Variants in DIP2B observed in about 807,000 individuals in gnomAD.
DIP2B encodes the protein DIP2 acetate--CoA ligase B (putative), also known as disco-interacting protein 2 homolog B.
In DIP2B, 76 loss-of-function variants were observed where a neutral mutation model predicts 198.0. That is an observed-to-expected ratio of 0.38 (90% CI 0.32 to 0.46). The LOEUF is 0.46. Among genes scored for constraint, DIP2B ranks in the 20% least tolerant of loss-of-function variants. The pLI is 0.99. For synonymous variants in DIP2B, 701 were observed against 739.1 expected (o/e 0.95, Z 0.84); for missense variants, 1,559 against 1,978.4 (o/e 0.79, Z 4.02).
chr12:50,650,712 A>G (rs533360936), intron 3 of DIP2B, among the ~76,000 whole-genome samples: 3 of 152,300 alleles, frequency 2.0e-5, no homozygotes, highest in East Asian at 3.9e-4. Flanking sequence ...TTCCACAACA[A>G]TGGGGATTTG....
chr12:50,715,614 G>T (rs1939700400), intron 23 of DIP2B, among the ~76,000 whole-genome samples: 2 of 152,130 alleles, frequency 1.3e-5, no homozygotes, highest in African/African-American at 4.8e-5. Flanking sequence ...AAAATAATCG[G>T]CCACAGCCAT....
chr12:50,578,504 C>CTTTTTTTTT (rs62685162), intron 1 of DIP2B, among the ~76,000 whole-genome samples: 1 of 111,604 alleles, frequency 9.0e-6, no homozygotes, highest in Non-Finnish European at 1.8e-5. Flanking sequence ...GTTATTTGCT[C>CTTTTTTTTT]TTTTTTTTTT....
At chr12:50,723,802 T>G (rs1390250234) in intron 27 of DIP2B, among the ~76,000 whole-genome samples, 1 of 152,150 alleles carries the variant, frequency 6.6e-6, no homozygotes, top group Non-Finnish European at 1.5e-5. Flanking sequence ...TGTCTGATAT[T>G]TTTCCTGCAA....
At chr12:50,517,786 A>G (rs1294251853) in intron 1 of DIP2B, among the ~76,000 whole-genome samples, 1 of 152,162 alleles carries the variant, frequency 6.6e-6, no homozygotes, top group African/African-American at 2.4e-5. Flanking sequence ...GCTTTTGTAT[A>G]CATTGCCATT....
intron 1 of DIP2B, among the ~76,000 whole-genome samples, chr12:50,587,771 T>C (rs1449804368): frequency 6.6e-6 from 1 of 152,252 alleles, no homozygotes; most frequent in Non-Finnish European, 1.5e-5. Flanking sequence ...CCACTCATGC[T>C]TCTCTCTTCC....
At chr12:50,514,154 C>T (rs961625120) in intron 1 of DIP2B, among the ~76,000 whole-genome samples, 6 of 150,740 alleles carry the variant, frequency 4.0e-5, no homozygotes, top group Non-Finnish European at 7.4e-5. Flanking sequence ...TAACCTCCGC[C>T]TCCCGGGTTC....
intron 1 of DIP2B, among the ~76,000 whole-genome samples, chr12:50,601,144 G>C (rs975482867): frequency 6.6e-6 from 1 of 152,038 alleles, no homozygotes; most frequent in Admixed American, 6.6e-5. Context: ...CTCCACAAGG[G>C]GACCCTTGTC....
Position 50,594,001 on chromosome 12 carries a change from C to T in DIP2B, c.101-31975C>T, listed in dbSNP as rs140947911. 6.2e-5 allele frequency among the ~76,000 whole-genome samples: 9 copies of T among 145,874 alleles called. No individual in the cohort carries two copies. In the East Asian group the frequency reaches 1.6e-3, roughly 26 times the overall value. Reference sequence around the variant, plus strand: ...TGTCGCCCAGGCTGGAATGCAATGGCGCCATCTGGGTTCACTGCAACCTCC... The same window carrying T: ...TGTCGCCCAGGCTGGAATGCAATGGTGCCATCTGGGTTCACTGCAACCTCC... On this transcript the variant is annotated intron_variant, in intron 1 of 37. Transcript: ENST00000301180.
chr12:50,740,381 C>G (rs1381614276), intron 36 of DIP2B, among the ~76,000 whole-genome samples: 1 of 152,182 alleles, frequency 6.6e-6, no homozygotes, highest in East Asian at 1.9e-4. Context: ...GCTGGGTGAC[C>G]TTGAGCAATC....
intron 1 of DIP2B, among the ~76,000 whole-genome samples, chr12:50,580,827 A>G (rs1296968770): frequency 1.3e-5 from 2 of 148,400 alleles, no homozygotes; most frequent in Non-Finnish European, 3.0e-5. Context: ...ACTTTCACAC[A>G]CTTTATGTTC....
chr12:50,513,631 T>C (rs893725590), intron 1 of DIP2B, among the ~76,000 whole-genome samples: 2 of 152,164 alleles, frequency 1.3e-5, no homozygotes, highest in African/African-American at 2.4e-5. Context: ...CCCAATACTT[T>C]GGGAGGCTGA....
At chr12:50,584,855 C>T (rs1433273425) in intron 1 of DIP2B, among the ~76,000 whole-genome samples, 7 of 152,174 alleles carry the variant, frequency 4.6e-5, no homozygotes, top group Non-Finnish European at 7.3e-5. Flanking sequence ...TGAACCACCG[C>T]GCCTGGCCAA....
At chr12:50,710,317 C>T (rs909985992) in intron 22 of DIP2B, among the ~76,000 whole-genome samples, 5 of 152,136 alleles carry the variant, frequency 3.3e-5, no homozygotes, top group Admixed American at 6.6e-5. Flanking sequence ...TTCCCAAGAT[C>T]TGTAACTTCT....
intron 13 of DIP2B, 134 bp from the exon 14 acceptor site, chr12:50,692,815 T>C: frequency 4.2e-6 from 3 of 717,474 alleles, no homozygotes; most frequent in Non-Finnish European, 7.0e-6. Context: ...CCAGCCTGGG[T>C]GACAGAGGTG....
intron 1 of DIP2B, among the ~76,000 whole-genome samples, chr12:50,581,614 C>T (rs1229165189): frequency 6.9e-6 from 1 of 145,122 alleles, no homozygotes; most frequent in East Asian, 2.7e-4. Context: ...TCCTCCATAG[C>T]GTCTACTTGC....
intron 29 of DIP2B, 59 bp from the exon 30 acceptor site, chr12:50,728,489 G>C: frequency 6.4e-7 from 1 of 1,569,582 alleles, no homozygotes; most frequent in Non-Finnish European, 8.7e-7. Flanking sequence ...TGTCGTCAGA[G>C]CTGTTACTCT....
At chr12:50,578,349 T>G (rs1045260390) in intron 1 of DIP2B, among the ~76,000 whole-genome samples, 2 of 151,604 alleles carry the variant, frequency 1.3e-5, no homozygotes, top group African/African-American at 2.4e-5. Flanking sequence ...TACATCTTTT[T>G]TTTGTTTGTT....
intron 12 of DIP2B, among the ~76,000 whole-genome samples, chr12:50,690,208 T>G (rs1161322386): frequency 6.6e-6 from 1 of 151,724 alleles, no homozygotes; most frequent in Non-Finnish European, 1.5e-5. Context: ...TGCCTCAGCC[T>G]CCTGAGTAAC....
At chr12:50,622,476 G>A (rs1937832122) in intron 1 of DIP2B, among the ~76,000 whole-genome samples, 1 of 152,146 alleles carries the variant, frequency 6.6e-6, no homozygotes, top group African/African-American at 2.4e-5. Context: ...ATAAGAGCAA[G>A]AAGGAAAAGA....
Sources: gnomAD v4.1 joint callset for allele counts (sites outside exome capture counted in the v4.1 genomes callset) on GRCh38, gnomAD v4.1.1 for gene constraint, MANE v1.5 for transcripts, NCBI Gene and HGNC (gene_info 2026-07-23, HGNC 2026-07-21) for gene names.